The following GRM5 variants were observed in gnomAD, a reference collection of about 807,000 sequenced individuals.
The protein encoded by GRM5 is metabotropic glutamate receptor 5.
GRM5 carries 19 observed loss-of-function variants against 83.1 expected under a neutral mutation model. The ratio of observed to expected loss-of-function variants is 0.23; its 90% CI spans 0.16 to 0.34. The LOEUF is 0.34. GRM5 is among the 10% of genes least tolerant of loss of function. The pLI is 1.00. For synonymous variants in GRM5, 675 were observed against 633.6 expected, an observed-to-expected ratio of 1.07 and a Z score of -0.98; for missense variants, 1,160 against 1,588.3, an observed-to-expected ratio of 0.73 and a Z score of 4.58.
At chr11:88,520,084 C>T (rs998547922) in intron 9 of GRM5, among the ~76,000 whole-genome samples, 1 of 152,020 alleles carries the variant, frequency 6.6e-6, no homozygotes, top group Non-Finnish European at 1.5e-5. Context: ...TTCCCTGATC[C>T]TCATTTTCCT....
chr11:88,855,084 G>A (rs1287539145), intron 2 of GRM5, among the ~76,000 whole-genome samples: 2 of 151,718 alleles, frequency 1.3e-5, no homozygotes, highest in Non-Finnish European at 1.5e-5. Flanking sequence ...TCGTGTGGTA[G>A]GGAAAACTAT....
chr11:89,034,201 A>G (rs1214649788), intron 2 of GRM5, among the ~76,000 whole-genome samples: 3 of 151,828 alleles, frequency 2.0e-5, no homozygotes, highest in African/African-American at 7.2e-5. Flanking sequence ...CTCTTTTATA[A>G]AAAAAGATAT....
intron 2 of GRM5, among the ~76,000 whole-genome samples, chr11:89,026,696 T>G (rs2135118103): frequency 6.6e-6 from 1 of 152,346 alleles, no homozygotes; most frequent in Admixed American, 6.5e-5. Context: ...AATCTACTAT[T>G]ATTTCTCATA....
chr11:88,848,599 A>G (rs1416461985), intron 3 of GRM5, among the ~76,000 whole-genome samples: 1 of 152,200 alleles, frequency 6.6e-6, no homozygotes, highest in African/African-American at 2.4e-5. Context: ...TAATGTTTTA[A>G]AGGTATGCAA....
intron 3 of GRM5, among the ~76,000 whole-genome samples, chr11:88,733,367 TAAG>T (rs2135408716): frequency 6.7e-6 from 1 of 149,880 alleles, no homozygotes; most frequent in Non-Finnish European, 1.5e-5. Flanking sequence ...CAGGTTGAGA[TAAG>T]AAATAATTTT....
At chr11:88,720,821 C>CGTGTGTGTGCGT (rs1941519507) in intron 3 of GRM5, among the ~76,000 whole-genome samples, 2 of 137,148 alleles carry the variant, frequency 1.5e-5, no homozygotes, top group Admixed American at 7.1e-5. Flanking sequence ...TGTGTGTGTG[C>CGTGTGTGTGCGT]GTGTGTGTGT....
intron 3 of GRM5, among the ~76,000 whole-genome samples, chr11:88,841,713 T>G (rs1235546505): frequency 6.6e-6 from 1 of 152,232 alleles, no homozygotes; most frequent in African/African-American, 2.4e-5. Context: ...CAACTTTTTC[T>G]TGTGATATCA....
chr11:88,879,173 C>T (rs1304538206), intron 2 of GRM5, among the ~76,000 whole-genome samples: 1 of 151,774 alleles, frequency 6.6e-6, no homozygotes, highest in East Asian at 1.9e-4. Flanking sequence ...CTGAGAAGGA[C>T]TCTAAATATA....
intron 3 of GRM5, among the ~76,000 whole-genome samples, chr11:88,673,899 A>C (rs1485367085): frequency 6.6e-6 from 1 of 151,716 alleles, no homozygotes; most frequent in African/African-American, 2.4e-5. Context: ...TTTGAAAAAA[A>C]AAAAACAAAC....
intron 3 of GRM5, among the ~76,000 whole-genome samples, chr11:88,746,758 C>T (rs1311486748): frequency 6.6e-6 from 1 of 152,038 alleles, no homozygotes; most frequent in Non-Finnish European, 1.5e-5. Context: ...TATATTCACA[C>T]ATCAAAGATG....
chr11:88,752,203 C>A (rs1942291552), intron 3 of GRM5, among the ~76,000 whole-genome samples: 1 of 152,030 alleles, frequency 6.6e-6, no homozygotes, highest in South Asian at 2.1e-4. Flanking sequence ...TATAGACAAC[C>A]CCATAGTCTC....
At chr11:88,528,299 T>A (rs974835731) in intron 8 of GRM5, among the ~76,000 whole-genome samples, 1 of 152,108 alleles carries the variant, frequency 6.6e-6, no homozygotes, top group Non-Finnish European at 1.5e-5. Flanking sequence ...TAATACAGAA[T>A]GGGAAACTCA....
chr11:88,756,862 G>A (rs940704829), intron 3 of GRM5, among the ~76,000 whole-genome samples: 1 of 152,066 alleles, frequency 6.6e-6, no homozygotes. Flanking sequence ...AAGGATGACA[G>A]AGAATATGTG....
At chr11:89,064,026 G>C (rs973102903) in intron 1 of GRM5, among the ~76,000 whole-genome samples, 1 of 152,178 alleles carries the variant, frequency 6.6e-6, no homozygotes, top group Admixed American at 6.5e-5. Flanking sequence ...GAGTGTCAAG[G>C]ACATGGTAGG....
chr11:88,855,434 C>T (rs1011839581), intron 2 of GRM5, among the ~76,000 whole-genome samples: 2 of 151,776 alleles, frequency 1.3e-5, no homozygotes, highest in African/African-American at 2.4e-5. Flanking sequence ...CCCTAGATTC[C>T]TTTAGGCTGG....
intron 2 of GRM5, among the ~76,000 whole-genome samples, chr11:88,906,449 A>G (rs1191151774): frequency 6.6e-6 from 1 of 152,176 alleles, no homozygotes; most frequent in African/African-American, 2.4e-5. Context: ...CCATTGTAGA[A>G]GTAATTACTT....
chr11:88,826,763 GA>G (rs530724939), intron 3 of GRM5, among the ~76,000 whole-genome samples: 6 of 151,782 alleles, frequency 4.0e-5, no homozygotes, highest in Non-Finnish European at 4.4e-5. Context: ...ATTCTAACCT[GA>G]AAAAAAATCC....
At chr11:88,739,429 T>C (rs1444174786) in intron 3 of GRM5, among the ~76,000 whole-genome samples, 4 of 152,136 alleles carry the variant, frequency 2.6e-5, no homozygotes, top group Non-Finnish European at 1.5e-5. Context: ...CATATACTTA[T>C]TGTATCATCT....
intron 1 of GRM5, among the ~76,000 whole-genome samples, chr11:89,064,136 G>A (rs893605801): frequency 1.3e-5 from 2 of 152,044 alleles, no homozygotes; most frequent in Non-Finnish European, 2.9e-5. Context: ...TTGCATTTAT[G>A]TTTTACTCTA....
Sources: gnomAD v4.1 joint callset for allele counts (sites outside exome capture counted in the v4.1 genomes callset) on GRCh38, gnomAD v4.1.1 for gene constraint, MANE v1.5 for transcripts, NCBI Gene and HGNC (gene_info 2026-07-23, HGNC 2026-07-21) for gene names.